Variants in TRABD2B observed in about 807,000 individuals in gnomAD.
The protein encoded by TRABD2B is metalloprotease TIKI2.
In TRABD2B, 14 loss-of-function variants were observed where a neutral mutation model predicts 40.1. The observed-to-expected ratio is 0.35, with a 90% CI of 0.23 to 0.55. The LOEUF is 0.55. TRABD2B is among the 20% of genes least tolerant of loss of function. The probability of loss-of-function intolerance (pLI) is 0.90; values close to 1 mark genes in which losing one functional copy is unlikely to be tolerated. For synonymous variants in TRABD2B, 263 were observed against 277.0 expected, an observed-to-expected ratio of 0.95 and a Z score of 0.50; for missense variants, 541 against 648.6, an observed-to-expected ratio of 0.83 and a Z score of 1.80.
rs997110586 is a variant in TRABD2B at position 47,868,770 on chromosome 1, G to A, written c.667-67151C>T. Among the ~76,000 whole-genome samples the A allele has an allele frequency of 9.2e-5, 14 of 152,134 alleles. No individual in the cohort carries two copies. The East Asian group carries it at 1.2e-3, about 13-fold the overall frequency. ...GTTGGGAACCACTGCTCTAAAGCAC[G>A]GTCCAGACTAGGGGGACATCACTCT... On this transcript the variant is annotated intron_variant, in intron 2 of 6. Coordinates refer to ENST00000606738, the MANE Select transcript of TRABD2B (RefSeq NM_001194986.2).
chr1:47,929,376 G>A (rs887612273), intron 2 of TRABD2B, among the ~76,000 whole-genome samples: 2 of 152,206 alleles, frequency 1.3e-5, no homozygotes, highest in African/African-American at 2.4e-5. Flanking sequence ...CCTGGTCATA[G>A]TCTTTACTTA....
chr1:47,954,686 G>A (rs967180355), intron 2 of TRABD2B, among the ~76,000 whole-genome samples: 1 of 152,098 alleles, frequency 6.6e-6, no homozygotes, highest in African/African-American at 2.4e-5. Flanking sequence ...TGTGTGTTGC[G>A]GAGAATGGAT....
chr1:47,996,791 C>G lies in TRABD2B; in HGVS notation c.-2G>C, dbSNP rs1646099524. The G allele has an allele frequency of 8.3e-7, 1 of 1,199,822 alleles. No homozygotes were observed. 74.3% of individuals were successfully genotyped at this position (1,199,822 alleles called of 1,614,324 possible). Reference sequence around the variant, plus strand: ...CGGCCCCGCCAGGGCGGCGTGCATCCTGCCAGGGCCCGCGGGGCGCGGGGG... The same window carrying G: ...CGGCCCCGCCAGGGCGGCGTGCATCGTGCCAGGGCCCGCGGGGCGCGGGGG... On this transcript the variant is annotated 5_prime_UTR_variant, in exon 1 of 7. Transcript: ENST00000606738. This position sits in a 1 kb window ranked among gnomAD's most constrained non-coding sequence, Gnocchi z 4.6.
At chr1:47,875,641 C>T (rs7550785) in intron 2 of TRABD2B, among the ~76,000 whole-genome samples, 43,152 of 133,214 alleles carry the variant, frequency 0.32, 6,575 homozygotes, top group East Asian at 0.49. Context: ...GAACCATGAT[C>T]GTGCTACTGC....
At chr1:47,819,299 C>A (rs1312103835) in intron 2 of TRABD2B, 1 of 152,282 alleles carries the variant, frequency 6.6e-6, no homozygotes, top group Non-Finnish European at 1.5e-5. Flanking sequence ...TGTAAGGAAC[C>A]CCCTGGAAAA....
intron 2 of TRABD2B, among the ~76,000 whole-genome samples, chr1:47,981,259 C>A (rs1645836754): frequency 6.6e-6 from 1 of 152,098 alleles, no homozygotes; most frequent in South Asian, 2.1e-4. Flanking sequence ...AGTGATCCAC[C>A]CACCTCGGCC....
chr1:47,880,257 A>G (rs570188412), intron 2 of TRABD2B, among the ~76,000 whole-genome samples: 87 of 152,348 alleles, frequency 5.7e-4, no homozygotes, highest in Non-Finnish European at 9.0e-4. Flanking sequence ...TGGAGGTTGC[A>G]GTGAGCTGAG....
intron 4 of TRABD2B, among the ~76,000 whole-genome samples, chr1:47,781,743 A>C (rs1644526441): frequency 6.6e-6 from 1 of 152,204 alleles, no homozygotes; most frequent in African/African-American, 2.4e-5. Flanking sequence ...GCACAACTCC[A>C]GGAGGCGCCA....
intron 3 of TRABD2B, among the ~76,000 whole-genome samples, chr1:47,801,002 T>C (rs1644816186): frequency 6.6e-6 from 1 of 152,118 alleles, no homozygotes; most frequent in African/African-American, 2.4e-5. Context: ...TGGTGGAGTC[T>C]GAGCAGGGGT....
intron 2 of TRABD2B, among the ~76,000 whole-genome samples, chr1:47,955,823 C>G (rs567567175): frequency 7.6e-4 from 116 of 152,308 alleles, no homozygotes; most frequent in African/African-American, 2.8e-3. Flanking sequence ...CCTGCCAGGC[C>G]AGGAGTCCAC....
chr1:47,858,105 G>T (rs1389350685), intron 2 of TRABD2B, among the ~76,000 whole-genome samples: 1 of 151,874 alleles, frequency 6.6e-6, no homozygotes, highest in Non-Finnish European at 1.5e-5. Context: ...TCATACGTAC[G>T]CATTGGAAGA....
chr1:47,805,985 G>A (rs940334707), intron 2 of TRABD2B, among the ~76,000 whole-genome samples: 3 of 152,206 alleles, frequency 2.0e-5, no homozygotes, highest in South Asian at 4.1e-4. Flanking sequence ...CAAGAGGGAT[G>A]TTGTCCGTAG....
intron 2 of TRABD2B, among the ~76,000 whole-genome samples, chr1:47,964,175 C>G (rs954290674): frequency 2.0e-5 from 3 of 152,100 alleles, no homozygotes; most frequent in African/African-American, 4.8e-5. Context: ...ATAGATTTAA[C>G]GAGCCAATTT....
chr1:47,779,613 G>A (rs1354232688), intron 4 of TRABD2B, among the ~76,000 whole-genome samples: 2 of 152,194 alleles, frequency 1.3e-5, no homozygotes, highest in Non-Finnish European at 2.9e-5. Flanking sequence ...GACACAGGAG[G>A]TGCTGGGAGT....
In TRABD2B at chr1:47,765,406, T is replaced by A. The variant is rs1386387456; in HGVS notation, c.*496A>T. The A allele has an allele frequency of 1.3e-5, 2 of 155,882 alleles. No individual in the cohort carries two copies. The highest frequency in any genetic ancestry group is 4.8e-5 in the African/African-American group (2 of 41,474). 9.7% of individuals were successfully genotyped at this position (155,882 alleles called of 1,614,324 possible). A position where few individuals can be genotyped will look rare whatever the true frequency, so the allele number is the denominator to read the frequency against. On this transcript the variant is annotated 3_prime_UTR_variant, in exon 7 of 7. Coordinates refer to ENST00000606738, the MANE Select transcript of TRABD2B (RefSeq NM_001194986.2). ...CAGCAGAGGGGAGGATGGCCAACGT[T>A]CACACCTCTGGCTCCCAAATCCAGC...
At chr1:47,969,965 T>C (rs1048003399) in intron 2 of TRABD2B, among the ~76,000 whole-genome samples, 2 of 152,100 alleles carry the variant, frequency 1.3e-5, no homozygotes, top group African/African-American at 4.8e-5. Flanking sequence ...CTGACCTCCT[T>C]GTTGTTCTGG....
At chr1:47,902,717 G>T (rs1335176717) in intron 2 of TRABD2B, among the ~76,000 whole-genome samples, 1 of 152,038 alleles carries the variant, frequency 6.6e-6, no homozygotes, top group Non-Finnish European at 1.5e-5. Flanking sequence ...TGAACTCCTG[G>T]CCTCAAGCCA....
At chr1:47,797,350 G>T (rs1177066282) in intron 3 of TRABD2B, among the ~76,000 whole-genome samples, 1 of 152,190 alleles carries the variant, frequency 6.6e-6, no homozygotes, top group Admixed American at 6.5e-5. Flanking sequence ...TTTTCCCAGT[G>T]AAGGGTGGCT....
At chr1:47,775,545 T>A in intron 5 of TRABD2B, 106 bp from the exon 6 acceptor site, 1 of 1,144,454 alleles carries the variant, frequency 8.7e-7, no homozygotes, top group Non-Finnish European at 1.1e-6. Context: ...CAGGAGAAAG[T>A]GCCAGGGTGC....
Sources: gnomAD v4.1 joint callset for allele counts (sites outside exome capture counted in the v4.1 genomes callset) on GRCh38, gnomAD v4.1.1 for gene constraint, Gnocchi (gnomAD v3.1) non-coding constraint, MANE v1.5 for transcripts, NCBI Gene and HGNC (gene_info 2026-07-23, HGNC 2026-07-21) for gene names.